Variants in WDPCP observed in about 807,000 individuals in gnomAD.
The protein encoded by WDPCP is WD repeat-containing and planar cell polarity effector protein fritz homolog.
A neutral mutation model predicts 93.1 loss-of-function variants in WDPCP; 71 were observed. The observed-to-expected ratio is 0.76, with a 90% CI of 0.63 to 0.93. The LOEUF (loss-of-function observed/expected upper bound fraction) is 0.93, where lower values mean the gene tolerates loss of function less well. WDPCP is among the 40% of genes least tolerant of loss of function. WDPCP has a pLI of 0.00. For missense variants in WDPCP, 844 were observed against 887.4 expected (o/e 0.95, Z 0.62); for synonymous variants, 315 against 315.0 (o/e 1.00, Z 0.00).
chr2:63,556,359 G>A (rs541408277), intron 1 of WDPCP, among the ~76,000 whole-genome samples: 11 of 152,158 alleles, frequency 7.2e-5, no homozygotes, highest in East Asian at 1.9e-4. Context: ...TAAAAAGTCC[G>A]AACCTGCGAT....
At chr2:63,646,843 T>G (rs1710057553) in intron 3 of WDPCP, among the ~76,000 whole-genome samples, 1 of 152,162 alleles carries the variant, frequency 6.6e-6, no homozygotes, top group African/African-American at 2.4e-5. Flanking sequence ...CTTTCTTTAT[T>G]CTTGATCTTT....
chr2:63,570,033 T>A (rs908843505), intron 1 of WDPCP, among the ~76,000 whole-genome samples: 21 of 152,174 alleles, frequency 1.4e-4, no homozygotes, highest in African/African-American at 4.6e-4. Flanking sequence ...TCACCACTTA[T>A]CTCAATACTT....
chr2:63,463,779 G>C (rs1209969312), intron 6 of WDPCP, among the ~76,000 whole-genome samples: 1 of 152,084 alleles, frequency 6.6e-6, no homozygotes, highest in Non-Finnish European at 1.5e-5. Context: ...GAGAAAACTG[G>C]ATATTCATAT....
chr2:63,535,166 A>C (rs1704180288), intron 1 of WDPCP, among the ~76,000 whole-genome samples: 1 of 152,214 alleles, frequency 6.6e-6, no homozygotes, highest in Admixed American at 6.5e-5. Flanking sequence ...GATGTGAAGG[A>C]CCTCTTCAAG....
chr2:63,818,339 G>A (rs1485358356), intron 1 of WDPCP, among the ~76,000 whole-genome samples: 5 of 152,194 alleles, frequency 3.3e-5, no homozygotes, highest in Non-Finnish European at 7.3e-5. Context: ...AGGGCTTTCC[G>A]TTGCCTTTAG....
chr2:63,473,673 C>T (rs1351626352), intron 6 of WDPCP, among the ~76,000 whole-genome samples: 1 of 152,164 alleles, frequency 6.6e-6, no homozygotes, highest in Non-Finnish European at 1.5e-5. Context: ...CTCCTATTTT[C>T]ACAGCCTTTT....
intron 14 of WDPCP, among the ~76,000 whole-genome samples, chr2:63,240,484 T>A (rs1402866554): frequency 6.6e-6 from 1 of 152,174 alleles, no homozygotes; most frequent in Non-Finnish European, 1.5e-5. Context: ...GGCCCATCCT[T>A]AGTATATTCT....
chr2:63,387,216 T>G (rs1397114556), intron 10 of WDPCP, among the ~76,000 whole-genome samples: 1 of 152,058 alleles, frequency 6.6e-6, no homozygotes, highest in Non-Finnish European at 1.5e-5. Flanking sequence ...TTGATACACG[T>G]AGATGTAAAA....
chr2:63,714,167 C>T lies in WDPCP; in HGVS notation n.309-63329G>A, dbSNP rs1390753314. 7.9e-5 allele frequency among the ~76,000 whole-genome samples: 12 copies of T among 151,482 alleles called. 1 individual carries two copies. The highest frequency in any genetic ancestry group is 4.2e-4 in the South Asian group (2 of 4,784). On this transcript the variant is annotated intron_variant and non_coding_transcript_variant, in intron 2 of 4. Transcript: ENST00000467687. Reference sequence around the variant, plus strand: ...GCCTCCCGGGTTCAAGTGATTCTTCCGCCTGAGCCTCCCGAGTAGCTGGGA... The same window carrying T: ...GCCTCCCGGGTTCAAGTGATTCTTCTGCCTGAGCCTCCCGAGTAGCTGGGA...
chr2:63,604,936 C>A, intron 3 of WDPCP: 1 of 1,535,332 alleles, frequency 6.5e-7, no homozygotes, highest in Non-Finnish European at 8.9e-7. Flanking sequence ...ACTCTTAGGA[C>A]AGAAAACCTT....
chr2:63,176,297 G>A (rs1229516013), intron 14 of WDPCP, among the ~76,000 whole-genome samples: 3 of 152,000 alleles, frequency 2.0e-5, no homozygotes. Flanking sequence ...CCAGGCTGGA[G>A]TGCAGTATCA....
In WDPCP at chr2:63,268,654, A is replaced by AT. The variant is rs558347981; in HGVS notation, c.1813-9246dup. On this transcript the variant is annotated intron_variant, in intron 13 of 17. Transcript: ENST00000272321. ...CTAGTTTTGTTTTGTTTTTGTTTTTATTTTTTTTTGTAGAGACAAGTTTGC... is the reference window on the plus strand; with the variant it reads ...CTAGTTTTGTTTTGTTTTTGTTTTTATTTTTTTTTTGTAGAGACAAGTTTGC... 3.1e-3 allele frequency among the ~76,000 whole-genome samples: 461 copies of AT among 150,052 alleles called. 2 individuals carry two copies. Among genetic ancestry groups the AT allele is most frequent in the African/African-American group, 0.011 (431 of 40,872 alleles).
chr2:63,430,525 A>G (rs1407502184), intron 9 of WDPCP, among the ~76,000 whole-genome samples: 1 of 152,200 alleles, frequency 6.6e-6, no homozygotes, highest in Non-Finnish European at 1.5e-5. Flanking sequence ...TATTTACTGT[A>G]TATTTTTCAA....
chr2:63,754,524 A>C (rs913560410), intron 2 of WDPCP, among the ~76,000 whole-genome samples: 2 of 152,234 alleles, frequency 1.3e-5, no homozygotes, highest in East Asian at 3.8e-4. Flanking sequence ...ATAAGACTTG[A>C]TGTAAGGAAG....
At chr2:63,635,889 T>C (rs1230756614) in intron 3 of WDPCP, among the ~76,000 whole-genome samples, 2 of 152,144 alleles carry the variant, frequency 1.3e-5, no homozygotes, top group African/African-American at 4.8e-5. Context: ...AGATCAAAGA[T>C]ATCTACATTG....
intron 12 of WDPCP, among the ~76,000 whole-genome samples, chr2:63,346,819 T>C (rs1689227115): frequency 6.6e-6 from 1 of 152,204 alleles, no homozygotes; most frequent in Non-Finnish European, 1.5e-5. Flanking sequence ...ATTCCCTCTC[T>C]TTGCTCTCTG....
chr2:63,550,530 A>C (rs931611295), intron 1 of WDPCP, among the ~76,000 whole-genome samples: 13 of 151,784 alleles, frequency 8.6e-5, no homozygotes, highest in Admixed American at 6.6e-4. Context: ...TATCTTTCTG[A>C]CCACTTTTCC....
intron 13 of WDPCP, among the ~76,000 whole-genome samples, chr2:63,265,408 C>T (rs149772392): frequency 1.3e-4 from 20 of 152,094 alleles, no homozygotes; most frequent in African/African-American, 4.8e-4. Context: ...CAGCTGTATA[C>T]CAACAACTTG....
rs750285622 is a variant in WDPCP at position 63,786,362 on chromosome 2, G to T, written n.308+27260C>A. Among the ~76,000 whole-genome samples the T allele has an allele frequency of 3.3e-5, 5 of 152,124 alleles. No homozygotes were observed. The South Asian group carries it at 8.3e-4, about 25-fold the overall frequency. On this transcript the variant is annotated intron_variant and non_coding_transcript_variant, in intron 2 of 4. Transcript: ENST00000467687. ...CAACTAAGCAGAAAGTGAAACATTT[G>T]AATTTTTTTTAAAAAGTCCCATTAT...
Sources: gnomAD v4.1 joint callset for allele counts (sites outside exome capture counted in the v4.1 genomes callset) on GRCh38, gnomAD v4.1.1 for gene constraint, MANE v1.5 for transcripts, NCBI Gene and HGNC (gene_info 2026-07-23, HGNC 2026-07-21) for gene names.